UGT1A4: variants seen among roughly 807,000 people sequenced by gnomAD.
UGT1A4 encodes UDP glucuronosyltransferase family 1 member A4, also known as UDP-glucuronosyltransferase 1A4.
In UGT1A4, 32 loss-of-function variants were observed where a neutral mutation model predicts 41.1. The observed-to-expected ratio is 0.78, with a 90% CI of 0.59 to 1.05. UGT1A4 has a LOEUF of 1.05. UGT1A4 is among the 50% of genes least tolerant of loss of function. The pLI is 0.00. For missense variants in UGT1A4, 748 were observed against 677.4 expected, an observed-to-expected ratio of 1.10 and a Z score of -1.16; for synonymous variants, 283 against 265.1, an observed-to-expected ratio of 1.07 and a Z score of -0.66.
intron 1 of UGT1A4, among the ~76,000 whole-genome samples, chr2:233,724,870 T>C (rs1288208202): frequency 1.6e-5 from 2 of 128,160 alleles, no homozygotes; most frequent in African/African-American, 6.8e-5. Context: ...TAGGTTGTAG[T>C]GAGCGGAGAT....
chr2:233,755,073 T>A (rs764125289), intron 1 of UGT1A4: 1 of 1,336,212 alleles, frequency 7.5e-7, no homozygotes, highest in East Asian at 4.6e-5. Flanking sequence ...GCCATAGCGG[T>A]CATAGATATC....
intron 1 of UGT1A4, among the ~76,000 whole-genome samples, chr2:233,764,593 G>A (rs3771341): frequency 0.33 from 49,748 of 151,964 alleles, 8,444 homozygotes; most frequent in African/African-American, 0.4. Flanking sequence ...TTTTCCAGAT[G>A]AGCTTCAGTG....
At chr2:233,743,063 C>G (rs1189998350) in intron 1 of UGT1A4, 2 of 336,472 alleles carry the variant, frequency 5.9e-6, no homozygotes, top group East Asian at 7.7e-5. Context: ...ACGATAAGAA[C>G]AGGTGTTGGC....
intron 1 of UGT1A4, among the ~76,000 whole-genome samples, chr2:233,763,811 C>G (rs980088030): frequency 3.3e-5 from 5 of 152,180 alleles, no homozygotes; most frequent in African/African-American, 1.2e-4. Context: ...CTCAAGAATT[C>G]CAAGATGTTC....
rs144275831 is a variant in UGT1A4, at chr2:233,718,988, C to A, written c.168C>A (p.His56Gln). 175 of 1,614,210 alleles carry A rather than the reference C, an allele frequency of 1.1e-4. 1 individual carries two copies. In the Middle Eastern group the frequency reaches 1.3e-3, roughly 12 times the overall value. ...TGCGGGAGCTCCATGCCAGAGGCCA[C>A]CAGGCGGTGGTCCTCACCCCAGAGG... ...EALRELHARG[H>Q]QAVVLTPEVN... Residue 56 changes from histidine to glutamine, a missense_variant, in exon 1 of 5, where the codon CAC becomes CAA. By Grantham distance (24) the His-to-Gln change is conservative (BLOSUM62 0). Coordinates refer to ENST00000373409, the MANE Select transcript of UGT1A4 (RefSeq NM_007120.3).
At chr2:233,744,074 G>C in intron 1 of UGT1A4, 1 of 470,704 alleles carries the variant, frequency 2.1e-6, no homozygotes, top group Non-Finnish European at 3.5e-6. Context: ...TGAGCGCCTC[G>C]CATCCCAAGA....
intron 1 of UGT1A4, chr2:233,722,006 C>G (rs1031101213): frequency 6.6e-5 from 17 of 257,220 alleles, no homozygotes; most frequent in African/African-American, 2.9e-4. Context: ...TTTAAGTGAA[C>G]AGGAAAACTG....
intron 1 of UGT1A4, among the ~76,000 whole-genome samples, chr2:233,732,436 G>A (rs987831872): frequency 2.6e-5 from 4 of 152,194 alleles, no homozygotes; most frequent in Non-Finnish European, 4.4e-5. Flanking sequence ...GATTTTTATG[G>A]TTTTAGGTCT....
In UGT1A4 at chr2:233,719,505, G is replaced by T. The variant is rs1559364966; in HGVS notation, c.685G>T (p.Ala229Ser). ...ALSYICHTFS[A>S]PYASLASELF... is the part of the protein sequence containing the mutation. ...GTCCTACATTTGCCATACTTTTTCT[G>T]CCCCTTATGCAAGTCTTGCCTCTGA... The change falls in exon 1 of 5, where the codon GCC becomes TCC. Residue 229 changes from alanine (A) to serine (S), a missense_variant. Ala to Ser is a moderately conservative substitution (Grantham distance 99, BLOSUM62 1). Transcript: ENST00000373409. The T allele has an allele frequency of 1.9e-6, 3 of 1,613,876 alleles. No individual in the cohort carries two copies. Among genetic ancestry groups the T allele is most frequent in the Non-Finnish European group, 2.5e-6 (3 of 1,179,860 alleles).
rs1402956787 is a variant in UGT1A4 at position 233,772,421 on chromosome 2, C to T, written c.1467C>T (p.Ser489=). 4.3e-6 allele frequency: 7 copies of T among 1,614,232 alleles called. No individual in the cohort carries two copies. The highest frequency in any genetic ancestry group is 1.6e-4 in the Middle Eastern group (1 of 6,062). ...AHDLTWYQYH[S]LDVIGFLLAV... ...ACCTCACCTGGTACCAGTACCATTC[C>T]TTGGACGTGATTGGTTTCCTCTTGG... Residue 489 remains serine (S), a synonymous_variant, in exon 5 of 5, where the codon TCC becomes TCT. Transcript: ENST00000373409.
At chr2:233,729,039 C>T (rs2077779281) in intron 1 of UGT1A4, 1 of 1,604,830 alleles carries the variant, frequency 6.2e-7, no homozygotes, top group Non-Finnish European at 8.5e-7. Context: ...TGCTAAGTGG[C>T]TCAGTGACAA....
intron 1 of UGT1A4, chr2:233,755,333 G>C (rs878855763): frequency 6.6e-6 from 3 of 455,150 alleles, no homozygotes; most frequent in South Asian, 1.9e-5. Context: ...CAGCACCCGC[G>C]CACAGGTCAG....
At chr2:233,750,273 A>T (rs1048305257) in intron 1 of UGT1A4, among the ~76,000 whole-genome samples, 6 of 151,954 alleles carry the variant, frequency 3.9e-5, no homozygotes, top group African/African-American at 1.5e-4. Context: ...TGCTTTAGCA[A>T]AGAGACTGGT....
At chr2:233,743,354 T>C in intron 1 of UGT1A4, 1 of 972,108 alleles carries the variant, frequency 1.0e-6, no homozygotes, top group Non-Finnish European at 1.5e-6. Context: ...GACATGGACT[T>C]GAAGCTGCCT....
chr2:233,738,762 C>G (rs1262299691), intron 1 of UGT1A4, among the ~76,000 whole-genome samples: 1 of 152,182 alleles, frequency 6.6e-6, no homozygotes, highest in Non-Finnish European at 1.5e-5. Flanking sequence ...AAGAAAAACC[C>G]ATTTTATGGG....
At chr2:233,755,308 G>C in intron 1 of UGT1A4, 3 of 564,496 alleles carry the variant, frequency 5.3e-6, no homozygotes, top group Non-Finnish European at 8.4e-6. Flanking sequence ...CTGGCACAGC[G>C]AGCGGCAAGG....
intron 1 of UGT1A4, among the ~76,000 whole-genome samples, chr2:233,731,354 T>C (rs910917478): frequency 6.6e-5 from 10 of 151,866 alleles, no homozygotes; most frequent in African/African-American, 2.4e-4. Context: ...GATACATAGG[T>C]ATACATGTGC....
chr2:233,764,622 A>G (rs1698606670), intron 1 of UGT1A4, among the ~76,000 whole-genome samples: 1 of 152,124 alleles, frequency 6.6e-6, no homozygotes. Flanking sequence ...GGTTTCATGA[A>G]GAGCAAAGGT....
intron 1 of UGT1A4, among the ~76,000 whole-genome samples, chr2:233,766,243 G>T (rs1253047551): frequency 1.3e-5 from 2 of 152,008 alleles, no homozygotes; most frequent in Non-Finnish European, 2.9e-5. Flanking sequence ...GTTTCCCCTG[G>T]AGTCAGACCG....
Sources: gnomAD v4.1 joint callset for allele counts (sites outside exome capture counted in the v4.1 genomes callset) on GRCh38, gnomAD v4.1.1 for gene constraint, MANE v1.5 for transcripts, NCBI Gene and HGNC (gene_info 2026-07-23, HGNC 2026-07-21) for gene names.